ACACB: variants seen among roughly 807,000 people sequenced by gnomAD.
The protein encoded by ACACB is acetyl-CoA carboxylase 2.
Under a neutral mutation model 278.8 loss-of-function variants are expected in ACACB, and 209 were observed. That is an observed-to-expected ratio of 0.75 (90% CI 0.67 to 0.84). The LOEUF is 0.84. ACACB is among the 40% of genes least tolerant of loss of function. The pLI, the probability that ACACB is intolerant of heterozygous loss-of-function variation, is 0.00. For missense variants in ACACB, 2,850 were observed against 3,269.0 expected, an observed-to-expected ratio of 0.87 and a Z score of 3.13; for synonymous variants, 1,174 against 1,285.6, an observed-to-expected ratio of 0.91 and a Z score of 1.86.
At position 109,242,575 on chromosome 12, in the gene ACACB, C is replaced by A; in HGVS notation, c.5161C>A (p.Pro1721Thr). Reference protein sequence around the residue: ...TLGTTYIYDFPEMFRQALFKL... With the variant: ...TLGTTYIYDFTEMFRQALFKL... The stretch of plus-strand genomic sequence containing the variant: ...GGGAACCACCTACATCTATGACTTC[C>A]CGGAAATGTTCAGGCAGGCAAGTCC... The change falls in exon 37 of 53, where the codon CCG (proline) becomes ACG (threonine). Residue 1721 changes from proline (P) to threonine (T), a missense_variant. Around this residue, in one of 3 missense-constraint regions of ACACB, gnomAD observed 2,265 missense variants for 2,561.3 expected, o/e 0.88. Coordinates refer to ENST00000338432, the MANE Select transcript of ACACB (RefSeq NM_001093.4). 1 of 1,614,080 alleles carries A rather than the reference C, an allele frequency of 6.2e-7. No homozygotes were observed. Among genetic ancestry groups the A allele is most frequent in the Non-Finnish European group, 8.5e-7 (1 of 1,179,956 alleles).
chr12:109,180,001 T>C lies in ACACB; in HGVS notation c.1732T>C (p.Phe578Leu), dbSNP rs1232696084. 1 of 1,613,758 alleles carries C rather than the reference T, an allele frequency of 6.2e-7. No individual in the cohort carries two copies. The highest frequency in any genetic ancestry group is 1.3e-5 in the African/African-American group (1 of 74,924). The part of the protein sequence containing the change: ...YLYSQDGSFH[F>L]LELNPRLQVE... The stretch of plus-strand genomic sequence containing the variant: ...CTATAGTCAGGATGGCAGCTTCCAC[T>C]TCTTGGAGCTGAATCCTCGCTTGCA... Residue 578 changes from phenylalanine to leucine, a missense_variant, in exon 11 of 53, where the codon TTC becomes CTC. Around this residue, in one of 3 missense-constraint regions of ACACB, gnomAD observed 2,265 missense variants for 2,561.3 expected, o/e 0.88. Coordinates refer to ENST00000338432, the MANE Select transcript of ACACB (RefSeq NM_001093.4).
intron 33 of ACACB, 126 bp downstream of exon 33, chr12:109,235,773 G>A: frequency 1.2e-6 from 1 of 825,770 alleles, no homozygotes; most frequent in Non-Finnish European, 1.9e-6. Context: ...TGAGGCAGGA[G>A]GTTTGCTTGA....
chr12:109,130,712 C>T (rs1593367809), intron 1 of ACACB, among the ~76,000 whole-genome samples: 1 of 152,212 alleles, frequency 6.6e-6, no homozygotes, highest in African/African-American at 2.4e-5. Context: ...TACGCCCCAG[C>T]AGCCACACTT....
chr12:109,207,650 G>A (rs1269793147), intron 20 of ACACB, among the ~76,000 whole-genome samples: 12 of 152,082 alleles, frequency 7.9e-5, no homozygotes, highest in Non-Finnish European at 1.8e-4. Flanking sequence ...GATAATAACC[G>A]CCAACCCTTA....
chr12:109,124,124 T>G (rs896880446), intron 1 of ACACB, among the ~76,000 whole-genome samples: 1 of 152,176 alleles, frequency 6.6e-6, no homozygotes, highest in African/African-American at 2.4e-5. Context: ...ACAGAATGAA[T>G]GATAATTCCT....
intron 4 of ACACB, among the ~76,000 whole-genome samples, chr12:109,168,292 G>A (rs1169674991): frequency 6.6e-6 from 1 of 152,232 alleles, no homozygotes; most frequent in Non-Finnish European, 1.5e-5. Flanking sequence ...TGTTCTAGCA[G>A]ATTGGGGGCT....
At chr12:109,233,156 T>G (rs902474952) in intron 29 of ACACB, among the ~76,000 whole-genome samples, 1 of 152,126 alleles carries the variant, frequency 6.6e-6, no homozygotes, top group African/African-American at 2.4e-5. Flanking sequence ...ATCTGTAAAA[T>G]GGGAATAATA....
intron 4 of ACACB, 144 bp downstream of exon 4, chr12:109,168,178 T>A: frequency 1.1e-6 from 1 of 940,934 alleles, no homozygotes; most frequent in Non-Finnish European, 1.5e-6. Context: ...CTTCCTTCTT[T>A]ATTTAATTAA....
chr12:109,247,080 T>C (rs1335200641), intron 39 of ACACB, among the ~76,000 whole-genome samples: 6 of 151,426 alleles, frequency 4.0e-5, no homozygotes, highest in Non-Finnish European at 8.8e-5. Flanking sequence ...AGACCCCCCA[T>C]CTCAAAAAAA....
chr12:109,113,150 G>A (rs2042341788), upstream of ACACB: 1 of 152,250 alleles, frequency 6.6e-6, no homozygotes, highest in South Asian at 2.1e-4. Context: ...ACCCCTGTGT[G>A]TACTCACTGT....
In ACACB at chr12:109,184,054, CT is replaced by C. The variant is rs879764260; in HGVS notation, c.1819-1513del. Among the ~76,000 whole-genome samples, 134 of 145,424 alleles carry C rather than the reference CT, an allele frequency of 9.2e-4. 1 individual carries two copies. The highest frequency in any genetic ancestry group is 1.5e-3 in the South Asian group (7 of 4,570). ...TTTGTATAATTTTAGGGGGCTCAAT[CT>C]TTTTTTTTTTTCTTTGAGATGGAGT... is the stretch of plus-strand genomic sequence containing the variant. On this transcript the variant is annotated intron_variant, in intron 11 of 52. Coordinates refer to ENST00000338432, the MANE Select transcript of ACACB (RefSeq NM_001093.4).
chr12:109,237,113 A>G lies in ACACB; in HGVS notation c.4447-52A>G, dbSNP rs371095371. 1.1e-4 allele frequency: 169 copies of G among 1,595,918 alleles called. No homozygotes were observed. The African/African-American group carries it at 1.7e-3, about 16-fold the overall frequency. On this transcript the variant is annotated intron_variant, in intron 33 of 52. Coordinates refer to ENST00000338432, the MANE Select transcript of ACACB (RefSeq NM_001093.4). ...TGGACCAAGCAGGGACGCAGCTCCA[A>G]CGTCACGCTGTGTGTGTATGTGTCT...
At chr12:109,231,725 G>A (rs896118964) in intron 28 of ACACB, among the ~76,000 whole-genome samples, 1 of 152,194 alleles carries the variant, frequency 6.6e-6, no homozygotes, top group Non-Finnish European at 1.5e-5. Flanking sequence ...GAGGAAAGCA[G>A]GTGTGCTGCC....
chr12:109,207,723 C>G (rs911396403), intron 20 of ACACB, among the ~76,000 whole-genome samples: 3 of 152,202 alleles, frequency 2.0e-5, no homozygotes, highest in African/African-American at 7.2e-5. Flanking sequence ...CTGTCACCCA[C>G]ACCAAAGTGT....
At chr12:109,252,372 T>G in intron 42 of ACACB, 2 of 394,410 alleles carry the variant, frequency 5.1e-6, no homozygotes, top group South Asian at 1.5e-4. Context: ...CTCCCTGTAT[T>G]ACTGACATTT....
intron 2 of ACACB, among the ~76,000 whole-genome samples, chr12:109,150,679 C>A (rs1238703424): frequency 1.3e-5 from 2 of 152,146 alleles, no homozygotes; most frequent in Non-Finnish European, 2.9e-5. Context: ...TGGCATCGCC[C>A]CCACTTTCCC....
intron 34 of ACACB, 118 bp downstream of exon 34, chr12:109,237,498 G>A (rs1171767362): frequency 2.7e-6 from 3 of 1,098,058 alleles, no homozygotes; most frequent in Admixed American, 4.3e-5. Flanking sequence ...CCAACACCCA[G>A]GGTCCTGCCC....
At chr12:109,256,037 T>C in intron 44 of ACACB, 103 bp from the exon 45 acceptor site, 1 of 827,134 alleles carries the variant, frequency 1.2e-6, no homozygotes, top group Non-Finnish European at 2.0e-6. Context: ...GCTATGAGGT[T>C]AAAGCCAGGC....
intron 4 of ACACB, 88 bp downstream of exon 4, chr12:109,168,122 G>T: frequency 7.0e-7 from 1 of 1,437,088 alleles, no homozygotes. Context: ...AGTCCATCCT[G>T]GACTCCCGAT....
Sources: allele counts gnomAD v4.1 joint callset (sites outside exome capture counted in the v4.1 genomes callset), GRCh38; gene constraint gnomAD v4.1.1; regional missense constraint gnomAD v4.1.1; transcripts MANE v1.5; gene names NCBI Gene and HGNC (gene_info 2026-07-23, HGNC 2026-07-21).